Variants in TBX20 observed in about 807,000 individuals in gnomAD.
TBX20 encodes the protein T-box transcription factor 20, also known as T-box transcription factor TBX20.
Under a neutral mutation model 42.9 loss-of-function variants are expected in TBX20, and 8 were observed. The ratio of observed to expected loss-of-function variants is 0.19; its 90% CI spans 0.11 to 0.34. The LOEUF is 0.34. TBX20 is among the 10% of genes least tolerant of loss of function. The pLI is 1.00. For missense variants in TBX20, 411 were observed against 566.0 expected (o/e 0.73, Z 2.78); for synonymous variants, 198 against 222.8 (o/e 0.89, Z 0.99).
At chr7:35,246,935 C>T (rs1196247098) in intron 3 of TBX20, among the ~76,000 whole-genome samples, 1 of 152,010 alleles carries the variant, frequency 6.6e-6, no homozygotes, top group East Asian at 1.9e-4. Flanking sequence ...AGCCCCTCCT[C>T]TCAAGTCCCC....
intron 6 of TBX20, among the ~76,000 whole-genome samples, chr7:35,205,998 A>AC (rs1329360260): frequency 6.6e-6 from 1 of 152,238 alleles, no homozygotes; most frequent in Non-Finnish European, 1.5e-5. Flanking sequence ...AAAGTATGCT[A>AC]CCATTTGTGA....
In TBX20 at chr7:35,224,975, C is replaced by T. The variant is rs571008634; in HGVS notation, c.890+6529G>A. Among the ~76,000 whole-genome samples, 706 of 151,752 alleles carry T rather than the reference C, an allele frequency of 4.7e-3. 6 individuals are homozygous for T. The highest frequency in any genetic ancestry group is 0.016 in the African/African-American group (666 of 41,406). On this transcript the variant is annotated intron_variant, in intron 6 of 7. Transcript: ENST00000408931. Reference sequence around the variant, plus strand: ...TCCTTCAATGGTGTCCCAGAAATTTCAATCAGTGTAATAAAACAAGAAAAA... The same window carrying T: ...TCCTTCAATGGTGTCCCAGAAATTTTAATCAGTGTAATAAAACAAGAAAAA...
chr7:35,246,537 TG>T (rs945609804), intron 3 of TBX20, among the ~76,000 whole-genome samples: 7 of 152,196 alleles, frequency 4.6e-5, no homozygotes, highest in Non-Finnish European at 8.8e-5. Context: ...TTAAATATTA[TG>T]TACTTTAAAG....
In TBX20 at chr7:35,210,364, C is replaced by T. The variant is rs1014364051; in HGVS notation, c.891-5782G>A. 1.6e-4 allele frequency among the ~76,000 whole-genome samples: 25 copies of T among 152,058 alleles called. 1 individual carries two copies. The highest frequency in any genetic ancestry group is 5.6e-4 in the African/African-American group (23 of 41,400). On this transcript the variant is annotated intron_variant, in intron 6 of 7. Coordinates refer to ENST00000408931, the MANE Select transcript of TBX20 (RefSeq NM_001077653.2). ...TCTCCTGACCTCATGATCCACCTGC[C>T]TCAGCCTCCCAAAGTGCTGGGATTA...
At chr7:35,240,372 C>T (rs1790051481) in intron 5 of TBX20, among the ~76,000 whole-genome samples, 1 of 152,166 alleles carries the variant, frequency 6.6e-6, no homozygotes, top group African/African-American at 2.4e-5. Flanking sequence ...CTTGATGTTA[C>T]ATACTATGGT....
chr7:35,228,744 C>T (rs1378688349), intron 6 of TBX20, among the ~76,000 whole-genome samples: 1 of 151,946 alleles, frequency 6.6e-6, no homozygotes, highest in East Asian at 1.9e-4. Flanking sequence ...TAATTGTTTC[C>T]CCAATCTGAG....
intron 6 of TBX20, among the ~76,000 whole-genome samples, chr7:35,207,932 T>C (rs1290717097): frequency 6.6e-6 from 1 of 152,212 alleles, no homozygotes; most frequent in African/African-American, 2.4e-5. Flanking sequence ...TTCTTTGCAT[T>C]TCCATATGAA....
At chr7:35,234,970 T>C (rs1371132893) in intron 5 of TBX20, among the ~76,000 whole-genome samples, 4 of 152,300 alleles carry the variant, frequency 2.6e-5, no homozygotes, top group Non-Finnish European at 5.9e-5. Flanking sequence ...ACTCTGAATC[T>C]ACTAGGGTGT....
At chr7:35,245,266 G>C (rs1227498206) in intron 3 of TBX20, among the ~76,000 whole-genome samples, 1 of 151,378 alleles carries the variant, frequency 6.6e-6, no homozygotes, top group Non-Finnish European at 1.5e-5. Context: ...ATCTAAATGA[G>C]ATAATACTTA....
chr7:35,250,853 T>C (rs1347702013), intron 1 of TBX20, among the ~76,000 whole-genome samples: 3 of 152,244 alleles, frequency 2.0e-5, no homozygotes, highest in Non-Finnish European at 4.4e-5. Context: ...CTTCCCAGCC[T>C]GAGATCTTAT....
At chr7:35,227,889 T>C (rs551868486) in intron 6 of TBX20, among the ~76,000 whole-genome samples, 2 of 152,146 alleles carry the variant, frequency 1.3e-5, no homozygotes, top group Non-Finnish European at 2.9e-5. Flanking sequence ...ATAGCAGTGA[T>C]GGTTATGTGA....
intron 1 of TBX20, among the ~76,000 whole-genome samples, chr7:35,252,891 T>C (rs1160980539): frequency 6.6e-6 from 1 of 152,216 alleles, no homozygotes; most frequent in African/African-American, 2.4e-5. Context: ...GTAGAGGAAT[T>C]TGAGAAATGG....
intron 6 of TBX20, among the ~76,000 whole-genome samples, chr7:35,207,437 C>T (rs760102458): frequency 3.3e-5 from 5 of 152,218 alleles, no homozygotes; most frequent in East Asian, 1.9e-4. Context: ...CTGTGGCTTG[C>T]GTTTTCTCTT....
intron 6 of TBX20, among the ~76,000 whole-genome samples, chr7:35,218,420 C>T (rs937630062): frequency 6.6e-6 from 1 of 152,080 alleles, no homozygotes; most frequent in African/African-American, 2.4e-5. Flanking sequence ...GGGGCCCCAA[C>T]TGCTGTGTGA....
At chr7:35,246,739 A>C (rs989527311) in intron 3 of TBX20, among the ~76,000 whole-genome samples, 2 of 152,152 alleles carry the variant, frequency 1.3e-5, no homozygotes, top group African/African-American at 4.8e-5. Flanking sequence ...ATCAGTATAA[A>C]AATTATCATC....
At position 35,231,548 on chromosome 7, in the gene TBX20, A is replaced by G. The variant is rs1175553365; in HGVS notation, c.846T>C (p.Phe282=). 6.2e-7 allele frequency: 1 copy of G among 1,613,010 alleles called. No individual in the cohort carries two copies. Among genetic ancestry groups the G allele is most frequent in the Non-Finnish European group, 8.5e-7 (1 of 1,179,168 alleles). ...ITKLKIDSNP[F]AKGFRDSSRL... ...TGGAGGAATCCCGGAATCCTTTGGC[A>G]AAAGGATTGCTATCTATTTTCAGCT... is the stretch of plus-strand genomic sequence containing the variant. Residue 282 remains phenylalanine (F), a synonymous_variant, in exon 6 of 8, where the codon TTT becomes TTC. Coordinates refer to ENST00000408931, the MANE Select transcript of TBX20 (RefSeq NM_001077653.2).
chr7:35,250,144 C>T lies in TBX20; in HGVS notation c.187G>A (p.Ala63Thr), dbSNP rs201839825. ...QPLGELTSLDAHGEFGGGSGS... is the reference protein window; with the variant it reads ...QPLGELTSLDTHGEFGGGSGS... ...CTGCCTCCACCAAACTCCCCATGAG[C>T]ATCCAGGCTGGTCAGCTCACCCAGG... is the stretch of plus-strand genomic sequence containing the variant. Residue 63 changes from alanine (A) to threonine (T), a missense_variant, in exon 2 of 8, where the codon GCT becomes ACT. Ala to Thr is a moderately conservative substitution (Grantham distance 58). Coordinates refer to ENST00000408931, the MANE Select transcript of TBX20 (RefSeq NM_001077653.2). 570 of 1,614,074 alleles carry T rather than the reference C, an allele frequency of 3.5e-4. No individual in the cohort carries two copies. The highest frequency in any genetic ancestry group is 7.4e-4 in the East Asian group (33 of 44,874).
chr7:35,203,901 C>G (rs961189974), intron 7 of TBX20, among the ~76,000 whole-genome samples: 1 of 152,250 alleles, frequency 6.6e-6, no homozygotes, highest in Non-Finnish European at 1.5e-5. Flanking sequence ...GCTCTTTTCT[C>G]TGGACTCTCT....
chr7:35,234,016 G>A (rs1789916389), intron 5 of TBX20, among the ~76,000 whole-genome samples: 1 of 152,160 alleles, frequency 6.6e-6, no homozygotes, highest in Admixed American at 6.5e-5. Flanking sequence ...ACTGTGAGGT[G>A]GAGCAATAAA....
Sources: gnomAD v4.1 joint callset for allele counts (sites outside exome capture counted in the v4.1 genomes callset) on GRCh38, gnomAD v4.1.1 for gene constraint, MANE v1.5 for transcripts, NCBI Gene and HGNC (gene_info 2026-07-23, HGNC 2026-07-21) for gene names.